PEX14: variants seen among roughly 807,000 people sequenced by gnomAD.
The protein encoded by PEX14 is peroxisomal biogenesis factor 14.
A neutral mutation model predicts 49.5 loss-of-function variants in PEX14; 15 were observed. The ratio of observed to expected loss-of-function variants is 0.30; its 90% confidence interval spans 0.20 to 0.47. The LOEUF is 0.47. Ranked by LOEUF, PEX14 falls within the 20% of genes least tolerant of loss-of-function variation. The pLI is 1.00. For missense variants in PEX14, 398 were observed against 494.8 expected (o/e 0.80, Z 1.86); for synonymous variants, 210 against 212.7 (o/e 0.99, Z 0.11).
intron 3 of PEX14, among the ~76,000 whole-genome samples, chr1:10,579,367 A>T (rs1296551244): frequency 2.0e-5 from 3 of 152,190 alleles, no homozygotes; most frequent in Non-Finnish European, 2.9e-5. Flanking sequence ...TCACCAGCAG[A>T]CATGCATTGA....
intron 3 of PEX14, among the ~76,000 whole-genome samples, chr1:10,567,407 G>T (rs966827899): frequency 6.6e-6 from 1 of 152,016 alleles, no homozygotes; most frequent in Non-Finnish European, 1.5e-5. Flanking sequence ...AATTAATTTT[G>T]CCTCAGCATT....
chr1:10,580,465 T>C (rs1202194291), intron 3 of PEX14, among the ~76,000 whole-genome samples: 1 of 152,180 alleles, frequency 6.6e-6, no homozygotes, highest in Non-Finnish European at 1.5e-5. Flanking sequence ...GCTCAGGTGA[T>C]CCACCTGCCT....
At position 10,574,637 on chromosome 1, in the gene PEX14, A is replaced by G. The variant is rs138102322; in HGVS notation, c.170-24601A>G. Among the ~76,000 whole-genome samples, 16 of 152,356 alleles carry G rather than the reference A, an allele frequency of 1.1e-4. No homozygotes were observed. In the East Asian group the frequency reaches 2.5e-3, roughly 24 times the overall value. On this transcript the variant is annotated intron_variant, in intron 3 of 8. Transcript: ENST00000356607. The stretch of plus-strand genomic sequence containing the variant: ...GAGAAAAAAACAGGAGATGCTACAC[A>G]CAATATATAATCATGGGATTTAGGA...
intron 3 of PEX14, among the ~76,000 whole-genome samples, chr1:10,591,327 G>A (rs1353501423): frequency 6.6e-6 from 1 of 152,062 alleles, no homozygotes; most frequent in African/African-American, 2.4e-5. Flanking sequence ...GAAATTGTGG[G>A]TGTCTTTCTG....
Position 10,629,927 on chromosome 1 carries a change from C to A in PEX14, c.1074C>A (p.Asn358Lys). 3.1e-6 allele frequency: 5 copies of A among 1,612,994 alleles called. No homozygotes were observed. The highest frequency in any genetic ancestry group is 2.5e-6 in the Non-Finnish European group (3 of 1,179,816). ...GCCGGGGCGGGGATGGGCAGATCAA[C>A]GAGCAGGTGGAGAAGCTGCGGCGGC... ...EDRRGGDGQI[N>K]EQVEKLRRPE... Residue 358 changes from asparagine (N) to lysine (K), a missense_variant, in exon 9 of 9, where the codon AAC becomes AAA. By Grantham distance (94) the Asn-to-Lys change is moderately conservative (BLOSUM62 0). Transcript: ENST00000356607. The surrounding 1 kb of genome is among the most constrained non-coding windows in gnomAD (Gnocchi z 8.5).
chr1:10,497,350 G>A (rs987497067), intron 2 of PEX14, among the ~76,000 whole-genome samples: 2 of 152,188 alleles, frequency 1.3e-5, no homozygotes, highest in African/African-American at 4.8e-5. Flanking sequence ...GTGTGGTGGT[G>A]TTGCGGTTTG....
chr1:10,537,860 A>AT (rs1557833524), intron 3 of PEX14, among the ~76,000 whole-genome samples: 1 of 152,156 alleles, frequency 6.6e-6, no homozygotes, highest in East Asian at 1.9e-4. Context: ...TGAAAAAAAA[A>AT]AGAGAGAGAG....
At position 10,498,218 on chromosome 1, in the gene PEX14, T is replaced by C. The variant is rs1231268405; in HGVS notation, c.84+2897T>C. ...TTGCTTGAGCTCAGGAGTTTGAGGC[T>C]GCAGTGAGCTATGATCAGGCCACTG... On this transcript the variant is annotated intron_variant, in intron 2 of 8. Coordinates refer to ENST00000356607, the MANE Select transcript of PEX14 (RefSeq NM_004565.3). Among the ~76,000 whole-genome samples, 8 of 152,292 alleles carry C rather than the reference T, an allele frequency of 5.3e-5. No individual in the cohort carries two copies. In the East Asian group the frequency reaches 1.5e-3, roughly 29 times the overall value.
At chr1:10,573,540 C>A (rs1640040466) in intron 3 of PEX14, among the ~76,000 whole-genome samples, 1 of 152,190 alleles carries the variant, frequency 6.6e-6, no homozygotes, top group African/African-American at 2.4e-5. Flanking sequence ...GCTTAAACCA[C>A]AGCAAGTCAC....
chr1:10,484,168 C>T (rs994901354), intron 1 of PEX14, among the ~76,000 whole-genome samples: 7 of 120,482 alleles, frequency 5.8e-5, no homozygotes, highest in Non-Finnish European at 1.2e-4. Context: ...GCTGGGATTA[C>T]AGGCGCCCAC....
intron 3 of PEX14, among the ~76,000 whole-genome samples, chr1:10,554,303 C>CAA (rs61712771): frequency 0.45 from 54,198 of 121,434 alleles, 13,384 homozygotes; most frequent in South Asian, 0.63. Context: ...GACTCCGTCT[C>CAA]AAAAAAAAAA....
intron 1 of PEX14, among the ~76,000 whole-genome samples, chr1:10,484,962 C>G (rs746457364): frequency 1.3e-5 from 2 of 151,704 alleles, no homozygotes; most frequent in African/African-American, 2.4e-5. Flanking sequence ...CATGCTGTCA[C>G]CTTTGCCATA....
intron 3 of PEX14, among the ~76,000 whole-genome samples, chr1:10,590,801 G>C (rs1640642238): frequency 1.3e-5 from 2 of 152,242 alleles, no homozygotes; most frequent in Non-Finnish European, 2.9e-5. Flanking sequence ...GTTAATATCA[G>C]ATTAATGTGA....
At chr1:10,500,373 CAA>C (rs750781683) in intron 2 of PEX14, among the ~76,000 whole-genome samples, 10,419 of 42,160 alleles carry the variant, frequency 0.25, 63 homozygotes, top group Admixed American at 0.34. Flanking sequence ...GATTCTGTCT[CAA>C]AAAAAAAAAA....
At chr1:10,591,606 C>G (rs2124588799) in intron 3 of PEX14, among the ~76,000 whole-genome samples, 1 of 151,478 alleles carries the variant, frequency 6.6e-6, no homozygotes, top group African/African-American at 2.4e-5. Context: ...TACCAGTTTC[C>G]TGTCCTCCTT....
intron 3 of PEX14, among the ~76,000 whole-genome samples, chr1:10,543,827 C>T (rs1204814305): frequency 2.0e-5 from 3 of 152,106 alleles, no homozygotes; most frequent in Non-Finnish European, 2.9e-5. Context: ...CTCAAACTCT[C>T]GGCCTCAAGT....
At chr1:10,477,782 C>T (rs115966064) in intron 1 of PEX14, among the ~76,000 whole-genome samples, 1,819 of 152,290 alleles carry the variant, frequency 0.012, 30 homozygotes, top group African/African-American at 0.041. Context: ...AATGTCATCT[C>T]GGACAGATCT....
At chr1:10,600,970 A>G (rs756667777) in intron 4 of PEX14, among the ~76,000 whole-genome samples, 4 of 148,782 alleles carry the variant, frequency 2.7e-5, no homozygotes, top group Non-Finnish European at 6.0e-5. Context: ...CCATCTCAAA[A>G]AAACAGACAG....
chr1:10,523,083 T>C (rs551317765), intron 2 of PEX14, among the ~76,000 whole-genome samples: 33 of 152,288 alleles, frequency 2.2e-4, no homozygotes, highest in Admixed American at 2.0e-3. Context: ...TTGAATTTTT[T>C]TGTTTGCTTT....
Sources: gnomAD v4.1 joint callset for allele counts (sites outside exome capture counted in the v4.1 genomes callset) on GRCh38, gnomAD v4.1.1 for gene constraint, Gnocchi (gnomAD v3.1) non-coding constraint, MANE v1.5 for transcripts, NCBI Gene and HGNC (gene_info 2026-07-23, HGNC 2026-07-21) for gene names.